Variants in SLC17A4 observed in about 807,000 individuals in gnomAD.
SLC17A4 encodes the protein solute carrier family 17 member 4, also known as probable small intestine urate exporter.
A neutral mutation model predicts 52.5 loss-of-function variants in SLC17A4; 33 were observed. That is an observed-to-expected ratio of 0.63 (90% CI 0.48 to 0.84). The LOEUF (loss-of-function observed/expected upper bound fraction) is 0.84. SLC17A4 is among the 40% of genes least tolerant of loss of function. SLC17A4 has a pLI of 0.00. For synonymous variants in SLC17A4, 225 were observed against 216.2 expected, an observed-to-expected ratio of 1.04 and a Z score of -0.36; for missense variants, 585 against 597.1, an observed-to-expected ratio of 0.98 and a Z score of 0.21.
chr6:25,774,096 A>G (rs1388843068), intron 8 of SLC17A4, among the ~76,000 whole-genome samples: 3 of 152,226 alleles, frequency 2.0e-5, no homozygotes, highest in African/African-American at 4.8e-5. Context: ...CATAAACAAC[A>G]TATGCTGAAA....
rs1486958144 is a variant in SLC17A4 at position 25,776,813 on chromosome 6, G to T, written c.1122G>T (p.Gly374=). Residue 374 remains glycine, a splice_region_variant and synonymous_variant, in exon 10 of 12, where the codon GGG becomes GGT. Coordinates refer to ENST00000377905, the MANE Select transcript of SLC17A4 (RefSeq NM_005495.3). The stretch of plus-strand genomic sequence containing the variant: ...TCTGTGTTTGTCCTCCTACCCCAGG[G>T]GTTCTCTTCCCATCCGTGATCCTCG... ...ITIRKLFTAI[G]VLFPSVILVS... 7.4e-6 allele frequency: 12 copies of T among 1,613,770 alleles called. No homozygotes were observed. In the Admixed American group the frequency reaches 1.2e-4, roughly 16 times the overall value.
chr6:25,768,145 C>T (rs545210564), intron 2 of SLC17A4, among the ~76,000 whole-genome samples: 2 of 152,210 alleles, frequency 1.3e-5, no homozygotes, highest in South Asian at 4.1e-4. Context: ...GGTGCATTGG[C>T]TGGGTTGGGG....
intron 2 of SLC17A4, chr6:25,768,415 T>C (rs546602249): frequency 1.4e-5 from 14 of 988,742 alleles, no homozygotes; most frequent in Non-Finnish European, 1.6e-5. Flanking sequence ...AGAGCTCCTA[T>C]GGAACACTAG....
At chr6:25,762,951 T>C (rs758861844) in intron 2 of SLC17A4, among the ~76,000 whole-genome samples, 3 of 152,194 alleles carry the variant, frequency 2.0e-5, no homozygotes, top group Non-Finnish European at 4.4e-5. Flanking sequence ...GAAGAACTTA[T>C]GTGTAAAATT....
chr6:25,768,503 C>G (rs1179026765), intron 2 of SLC17A4: 5 of 522,442 alleles, frequency 9.6e-6, no homozygotes, highest in Non-Finnish European at 1.2e-5. Flanking sequence ...GCCTATCTTT[C>G]AAGTTTCATC....
chr6:25,761,716 A>G (rs1231136958), intron 1 of SLC17A4, among the ~76,000 whole-genome samples: 1 of 152,188 alleles, frequency 6.6e-6, no homozygotes, highest in Non-Finnish European at 1.5e-5. Context: ...CTCACTTGCG[A>G]GATATAAATA....
rs776397057 is a variant in SLC17A4, at chr6:25,777,970, T to G, written c.1313T>G (p.Ile438Arg). The change falls in exon 11 of 12, where the codon ATA becomes AGA. Residue 438 changes from isoleucine (I) to arginine (R), a missense_variant. Coordinates refer to ENST00000377905, the MANE Select transcript of SLC17A4 (RefSeq NM_005495.3). ...LKGLLQVFAHIAGAISPTAAG... is the reference protein window; with the variant it reads ...LKGLLQVFAHRAGAISPTAAG... ...GGACTATTGCAAGTCTTTGCACACA[T>G]AGCTGGAGCCATCTCTCCTACTGCT... 1.2e-6 allele frequency: 2 copies of G among 1,613,100 alleles called. No individual in the cohort carries two copies. The highest frequency in any genetic ancestry group is 1.7e-6 in the Non-Finnish European group (2 of 1,179,638).
chr6:25,766,505 A>G (rs1229794579), intron 2 of SLC17A4, among the ~76,000 whole-genome samples: 1 of 152,206 alleles, frequency 6.6e-6, no homozygotes, highest in Non-Finnish European at 1.5e-5. Context: ...CATACAAAAA[A>G]TTAAAAGGAG....
intron 11 of SLC17A4, 124 bp from the exon 12 acceptor site, chr6:25,778,930 G>A (rs1212796201): frequency 2.4e-6 from 3 of 1,234,862 alleles, no homozygotes; most frequent in Admixed American, 2.1e-5. Flanking sequence ...GACCAACTGG[G>A]AAGCCCATGG....
chr6:25,772,758 A>AT (rs1418198866), intron 6 of SLC17A4, among the ~76,000 whole-genome samples: 1 of 152,208 alleles, frequency 6.6e-6, no homozygotes, highest in Middle Eastern at 3.2e-3. Context: ...AGCAGGAGGG[A>AT]TGCTGACTGG....
At chr6:25,755,261 G>T (rs977273917) in intron 1 of SLC17A4, among the ~76,000 whole-genome samples, 1 of 152,128 alleles carries the variant, frequency 6.6e-6, no homozygotes, top group Non-Finnish European at 1.5e-5. Context: ...AAAACCAAAC[G>T]GTTCTGGTTT....
In SLC17A4 at chr6:25,770,382, A is replaced by T. The variant is rs1376166437; in HGVS notation, c.532-2A>T. The stretch of plus-strand genomic sequence containing the variant: ...CTCCAAGAATGGAATTTTTCCCCCC[A>T]GGTTATGGTATTAACTGGTCAGTAT... On this transcript the variant is annotated splice_acceptor_variant, in intron 4 of 11. Coordinates refer to ENST00000377905, the MANE Select transcript of SLC17A4 (RefSeq NM_005495.3). LOFTEE classifies it high-confidence loss of function. The T allele has an allele frequency of 1.2e-6, 2 of 1,613,972 alleles. No homozygotes were observed. The highest frequency in any genetic ancestry group is 8.5e-7 in the Non-Finnish European group (1 of 1,179,964).
intron 5 of SLC17A4, 34 bp downstream of exon 5, chr6:25,770,505 C>T (rs765810960): frequency 1.3e-6 from 2 of 1,595,070 alleles, no homozygotes; most frequent in South Asian, 2.2e-5. Flanking sequence ...TTTACATGCA[C>T]TGTCCAGGAG....
intron 2 of SLC17A4, among the ~76,000 whole-genome samples, chr6:25,766,703 GA>G: frequency 6.6e-6 from 1 of 152,246 alleles, no homozygotes; most frequent in Non-Finnish European, 1.5e-5. Flanking sequence ...CTAATCATGA[GA>G]AAAATATCAG....
At chr6:25,777,251 G>T (rs554353510) in intron 10 of SLC17A4, 57 of 346,300 alleles carry the variant, frequency 1.6e-4, no homozygotes, top group Middle Eastern at 7.9e-4. Flanking sequence ...CTTGCCTAAG[G>T]CGGAATCACT....
chr6:25,775,998 C>T (rs775236878), intron 8 of SLC17A4, among the ~76,000 whole-genome samples: 9 of 151,982 alleles, frequency 5.9e-5, no homozygotes, highest in Non-Finnish European at 1.3e-4. Flanking sequence ...TTTGTGCAAC[C>T]CTCTGTGGAG....
At chr6:25,773,718 T>G in intron 8 of SLC17A4, 44 bp downstream of exon 8, 1 of 1,588,148 alleles carries the variant, frequency 6.3e-7, no homozygotes, top group Non-Finnish European at 8.6e-7. Context: ...TTTAAATGCT[T>G]AAATAATGAG....
At chr6:25,774,863 G>A (rs1049022025) in intron 8 of SLC17A4, among the ~76,000 whole-genome samples, 3 of 152,176 alleles carry the variant, frequency 2.0e-5, no homozygotes, top group Admixed American at 6.5e-5. Context: ...TGACAGCCTC[G>A]GCTTACGCAT....
At chr6:25,776,154 A>G (rs2151459280) in intron 8 of SLC17A4, among the ~76,000 whole-genome samples, 1 of 152,196 alleles carries the variant, frequency 6.6e-6, no homozygotes, top group African/African-American at 2.4e-5. Flanking sequence ...ATGCCAAAAA[A>G]AAATGGGTGT....
Sources: gnomAD v4.1 joint callset for allele counts (sites outside exome capture counted in the v4.1 genomes callset) on GRCh38, gnomAD v4.1.1 for gene constraint, MANE v1.5 for transcripts, NCBI Gene and HGNC (gene_info 2026-07-23, HGNC 2026-07-21) for gene names.